Variants in PLPPR1 observed in about 807,000 individuals in gnomAD.
The protein encoded by PLPPR1 is phospholipid phosphatase related 1, also known as phospholipid phosphatase-related protein type 1.
PLPPR1 carries 10 observed loss-of-function variants against 33.1 expected under a neutral mutation model. The ratio of observed to expected loss-of-function variants is 0.30; its 90% CI spans 0.19 to 0.51. The LOEUF (loss-of-function observed/expected upper bound fraction) is 0.51, where lower values mean the gene tolerates loss of function less well. Among genes scored for constraint, PLPPR1 ranks in the 20% least tolerant of loss-of-function variants. PLPPR1 has a pLI of 0.97. For missense variants in PLPPR1, 304 were observed against 408.1 expected, an observed-to-expected ratio of 0.74 and a Z score of 2.20; for synonymous variants, 151 against 151.0, an observed-to-expected ratio of 1.00 and a Z score of 0.00.
chr9:101,093,165 G>T (rs1034030923), intron 1 of PLPPR1, among the ~76,000 whole-genome samples: 1 of 152,178 alleles, frequency 6.6e-6, no homozygotes. Context: ...TTTCAAATTT[G>T]ATAAGAATAA....
At chr9:101,172,458 A>T (rs898734040) in intron 1 of PLPPR1, among the ~76,000 whole-genome samples, 1 of 152,124 alleles carries the variant, frequency 6.6e-6, no homozygotes, top group Non-Finnish European at 1.5e-5. Flanking sequence ...TCAAAACCTA[A>T]GTACACCTGA....
intron 2 of PLPPR1, among the ~76,000 whole-genome samples, chr9:101,241,235 A>G (rs1197770433): frequency 6.6e-6 from 1 of 152,048 alleles, no homozygotes; most frequent in Non-Finnish European, 1.5e-5. Flanking sequence ...TGATGCAGAC[A>G]GATGAGGTCT....
chr9:101,076,219 TC>T (rs1830534741), intron 1 of PLPPR1, among the ~76,000 whole-genome samples: 1 of 152,064 alleles, frequency 6.6e-6, no homozygotes, highest in Admixed American at 6.6e-5. Context: ...TCCAGGTCAC[TC>T]TGATGCATGC....
chr9:101,143,538 G>C (rs1026596125), intron 1 of PLPPR1, among the ~76,000 whole-genome samples: 2 of 152,032 alleles, frequency 1.3e-5, no homozygotes, highest in African/African-American at 2.4e-5. Flanking sequence ...ATCTGACAAA[G>C]GGCTAATATC....
At chr9:101,146,246 A>C (rs1831520330) in intron 1 of PLPPR1, among the ~76,000 whole-genome samples, 1 of 152,190 alleles carries the variant, frequency 6.6e-6, no homozygotes, top group South Asian at 2.1e-4. Flanking sequence ...ACAGATGCTC[A>C]ATAAATGTTT....
intron 6 of PLPPR1, among the ~76,000 whole-genome samples, chr9:101,315,148 ATTG>A (rs1432938510): frequency 6.6e-6 from 1 of 152,194 alleles, no homozygotes; most frequent in African/African-American, 2.4e-5. Context: ...ACAGTAAATT[ATTG>A]TTAATTATTG....
chr9:101,060,366 A>G (rs1564133108), intron 1 of PLPPR1, among the ~76,000 whole-genome samples: 1 of 152,022 alleles, frequency 6.6e-6, no homozygotes, highest in African/African-American at 2.4e-5. Flanking sequence ...TTTCAGTTAC[A>G]CAGGAGGAAT....
intron 1 of PLPPR1, among the ~76,000 whole-genome samples, chr9:101,144,727 G>T (rs185048335): frequency 2.0e-4 from 30 of 152,302 alleles, no homozygotes; most frequent in Admixed American, 1.2e-3. Context: ...CTGAGAATCT[G>T]CATTTCTAAC....
chr9:101,293,098 A>C (rs1399316490), intron 4 of PLPPR1, among the ~76,000 whole-genome samples: 4 of 151,768 alleles, frequency 2.6e-5, no homozygotes, highest in Non-Finnish European at 5.9e-5. Context: ...AAATAAAAGG[A>C]TGGAGGAAGA....
chr9:101,246,073 T>A (rs1588093456), intron 2 of PLPPR1, among the ~76,000 whole-genome samples: 2 of 93,508 alleles, frequency 2.1e-5, no homozygotes, highest in Non-Finnish European at 4.9e-5. Flanking sequence ...TATATATATA[T>A]ATATATATAT....
chr9:101,168,865 A>G (rs1232402621), intron 1 of PLPPR1, among the ~76,000 whole-genome samples: 1 of 152,188 alleles, frequency 6.6e-6, no homozygotes, highest in Non-Finnish European at 1.5e-5. Context: ...TTTTTTATTG[A>G]AAGAGTGTAA....
rs146721950 is a variant in PLPPR1, at chr9:101,268,426, G to C, written c.64-1454G>C. On this transcript the variant is annotated intron_variant, in intron 2 of 7. Coordinates refer to ENST00000374874, the MANE Select transcript of PLPPR1 (RefSeq NM_207299.2). Reference sequence around the variant, plus strand: ...GGTAAAGGCTGTGCTTCAATGCTGTGGCTAAAGCAATGGATAGGAAAATGG... The same window carrying C: ...GGTAAAGGCTGTGCTTCAATGCTGTCGCTAAAGCAATGGATAGGAAAATGG... Among the ~76,000 whole-genome samples the C allele has an allele frequency of 1.5e-3, 231 of 152,260 alleles. 1 individual carries two copies. Among genetic ancestry groups the C allele is most frequent in the African/African-American group, 5.4e-3 (224 of 41,536 alleles).
intron 2 of PLPPR1, among the ~76,000 whole-genome samples, chr9:101,205,184 A>G (rs1276858358): frequency 6.6e-6 from 1 of 152,194 alleles, no homozygotes; most frequent in African/African-American, 2.4e-5. Context: ...CAGTGGTTTT[A>G]AAACTTCAGT....
At chr9:101,273,259 G>A (rs1189955098) in intron 3 of PLPPR1, among the ~76,000 whole-genome samples, 1 of 152,092 alleles carries the variant, frequency 6.6e-6, no homozygotes, top group Non-Finnish European at 1.5e-5. Flanking sequence ...TTGGTGAATT[G>A]CATCTGTTCT....
chr9:101,241,177 C>T (rs776419757), intron 2 of PLPPR1, among the ~76,000 whole-genome samples: 2 of 152,008 alleles, frequency 1.3e-5, no homozygotes, highest in Non-Finnish European at 2.9e-5. Flanking sequence ...GGGGAATATA[C>T]ATGTGAAGAG....
rs536904289 is a variant in PLPPR1, at chr9:101,236,864, T to C, written c.64-33016T>C. Among the ~76,000 whole-genome samples, 287 of 151,894 alleles carry C rather than the reference T, an allele frequency of 1.9e-3. 1 individual carries two copies. Among genetic ancestry groups the C allele is most frequent in the African/African-American group, 6.5e-3 (270 of 41,496 alleles). On this transcript the variant is annotated intron_variant, in intron 2 of 7. Transcript: ENST00000374874. ...TAGGACTTAATTAAACTACAAGCCT[T>C]CTGCATAGCAAAATAAATAATCAGT...
At chr9:101,222,701 C>T (rs1826970519) in intron 2 of PLPPR1, among the ~76,000 whole-genome samples, 1 of 152,178 alleles carries the variant, frequency 6.6e-6, no homozygotes, top group South Asian at 2.1e-4. Flanking sequence ...CTGTGAAGGA[C>T]ACCAGCTGTT....
At chr9:101,066,121 A>G (rs1212816945) in intron 1 of PLPPR1, among the ~76,000 whole-genome samples, 3 of 151,858 alleles carry the variant, frequency 2.0e-5, no homozygotes, top group Non-Finnish European at 4.4e-5. Flanking sequence ...GATATTCCTT[A>G]TTTTTGATGA....
intron 2 of PLPPR1, among the ~76,000 whole-genome samples, chr9:101,243,123 C>G (rs149792016): frequency 3.3e-5 from 5 of 152,024 alleles, no homozygotes; most frequent in Admixed American, 6.6e-5. Context: ...TGTAGGTAAC[C>G]TTACCTGAAG....
Sources: allele counts gnomAD v4.1 joint callset (sites outside exome capture counted in the v4.1 genomes callset), GRCh38; gene constraint gnomAD v4.1.1; transcripts MANE v1.5; gene names NCBI Gene and HGNC (gene_info 2026-07-23, HGNC 2026-07-21).